The following LHFPL3 variants were observed in gnomAD, a reference collection of about 807,000 sequenced individuals.
LHFPL3 encodes LHFPL tetraspan subfamily member 3.
Under a neutral mutation model 19.3 loss-of-function variants are expected in LHFPL3, and 5 were observed. That is an observed-to-expected ratio of 0.26 (90% CI 0.14 to 0.54). The LOEUF is 0.54. Ranked by LOEUF, LHFPL3 falls within the 20% of genes least tolerant of loss-of-function variation. The pLI is 0.94. For missense variants in LHFPL3, 249 were observed against 307.4 expected, an observed-to-expected ratio of 0.81 and a Z score of 1.42; for synonymous variants, 133 against 126.2, an observed-to-expected ratio of 1.05 and a Z score of -0.36.
chr7:104,743,889 G>T (rs115078459), intron 2 of LHFPL3, among the ~76,000 whole-genome samples: 39 of 152,198 alleles, frequency 2.6e-4, no homozygotes, highest in African/African-American at 8.9e-4. Context: ...ACCCAGGCTG[G>T]AATACAGTGG....
intron 2 of LHFPL3, among the ~76,000 whole-genome samples, chr7:104,839,759 A>G (rs1240126697): frequency 6.6e-6 from 1 of 152,186 alleles, no homozygotes; most frequent in Non-Finnish European, 1.5e-5. Context: ...TTGTGAAGAT[A>G]TTAAGTCTCT....
chr7:104,530,984 C>T (rs1042499274), intron 1 of LHFPL3, among the ~76,000 whole-genome samples: 28 of 152,150 alleles, frequency 1.8e-4, no homozygotes, highest in Non-Finnish European at 3.8e-4. Context: ...TTACAGTTAT[C>T]TCATTTCTAA....
intron 1 of LHFPL3, among the ~76,000 whole-genome samples, chr7:104,582,361 T>C (rs1224356618): frequency 6.6e-6 from 1 of 152,014 alleles, no homozygotes; most frequent in Non-Finnish European, 1.5e-5. Context: ...CTAATAATTG[T>C]ATTTAGAATT....
intron 2 of LHFPL3, among the ~76,000 whole-genome samples, chr7:104,798,015 G>A (rs2116465673): frequency 6.7e-6 from 1 of 149,626 alleles, no homozygotes; most frequent in Non-Finnish European, 1.5e-5. Flanking sequence ...AGTCCTAGGT[G>A]GGGTGGCAGT....
intron 2 of LHFPL3, among the ~76,000 whole-genome samples, chr7:104,869,569 A>G (rs904076590): frequency 2.0e-5 from 3 of 152,052 alleles, no homozygotes; most frequent in Non-Finnish European, 4.4e-5. Context: ...TAGAATGGCA[A>G]TCATTAAAAA....
At chr7:104,657,160 C>T (rs1365567938) in intron 1 of LHFPL3, among the ~76,000 whole-genome samples, 1 of 152,210 alleles carries the variant, frequency 6.6e-6, no homozygotes, top group Non-Finnish European at 1.5e-5. Context: ...ATTACGAATT[C>T]CTCTCCAAGT....
At chr7:104,731,824 A>C (rs1039273021) in intron 1 of LHFPL3, among the ~76,000 whole-genome samples, 12 of 151,844 alleles carry the variant, frequency 7.9e-5, no homozygotes, top group South Asian at 4.2e-4. Context: ...GAATGCTTCC[A>C]GTTTTTGCCC....
intron 2 of LHFPL3, among the ~76,000 whole-genome samples, chr7:104,824,588 T>G (rs1223069959): frequency 1.3e-5 from 1 of 77,060 alleles, no homozygotes; most frequent in Non-Finnish European, 2.2e-5. Context: ...ATATAATATA[T>G]ATAATTATAT....
chr7:104,459,331 A>G (rs1311007382), intron 1 of LHFPL3, among the ~76,000 whole-genome samples: 1 of 152,144 alleles, frequency 6.6e-6, no homozygotes. Context: ...ATATTAATGT[A>G]CTCTTTGAAT....
intron 1 of LHFPL3, among the ~76,000 whole-genome samples, chr7:104,574,301 C>T (rs1196525690): frequency 6.6e-6 from 1 of 152,206 alleles, no homozygotes; most frequent in Non-Finnish European, 1.5e-5. Context: ...TGCCTGCATT[C>T]ACTTAAGTTC....
At chr7:104,755,537 GTCTC>G (rs1311576954) in intron 2 of LHFPL3, among the ~76,000 whole-genome samples, 5 of 151,714 alleles carry the variant, frequency 3.3e-5, no homozygotes, top group Middle Eastern at 6.8e-3. Context: ...CTGTCTGTCT[GTCTC>G]TCTCTCTGTC....
At chr7:104,414,327 G>T (rs1356764912) in intron 1 of LHFPL3, among the ~76,000 whole-genome samples, 1 of 151,978 alleles carries the variant, frequency 6.6e-6, no homozygotes, top group Non-Finnish European at 1.5e-5. Context: ...GGAAATTGCA[G>T]CTGATGAGAT....
chr7:104,577,692 CT>C (rs1486851279), intron 1 of LHFPL3, among the ~76,000 whole-genome samples: 1 of 152,044 alleles, frequency 6.6e-6, no homozygotes, highest in East Asian at 1.9e-4. Flanking sequence ...TAAACTATGC[CT>C]TCTATAAATG....
intron 1 of LHFPL3, among the ~76,000 whole-genome samples, chr7:104,404,830 T>C (rs1791384976): frequency 1.3e-5 from 2 of 152,200 alleles, no homozygotes; most frequent in Admixed American, 1.3e-4. Flanking sequence ...CCTGTGATAC[T>C]TTACAGAGAT....
intron 1 of LHFPL3, among the ~76,000 whole-genome samples, chr7:104,727,799 T>G (rs747426581): frequency 6.6e-6 from 1 of 151,918 alleles, no homozygotes. Flanking sequence ...TAAAAGTAAG[T>G]GGGGGCTGGA....
chr7:104,546,085 T>C (rs895892115), intron 1 of LHFPL3, among the ~76,000 whole-genome samples: 1 of 152,160 alleles, frequency 6.6e-6, no homozygotes, highest in African/African-American at 2.4e-5. Flanking sequence ...CAAACTAAAT[T>C]TTTGTCTCAG....
At chr7:104,613,417 G>C (rs1791246995) in intron 1 of LHFPL3, among the ~76,000 whole-genome samples, 1 of 152,086 alleles carries the variant, frequency 6.6e-6, no homozygotes, top group Non-Finnish European at 1.5e-5. Context: ...ATTGCAAATG[G>C]TCCTCAATGC....
intron 1 of LHFPL3, among the ~76,000 whole-genome samples, chr7:104,550,067 GAA>G (rs1794639420): frequency 6.6e-6 from 1 of 152,080 alleles, no homozygotes; most frequent in Non-Finnish European, 1.5e-5. Context: ...AAGAGACCTA[GAA>G]AAGAGTCCGT....
At chr7:104,379,940 G>T (rs1479828630) in intron 1 of LHFPL3, among the ~76,000 whole-genome samples, 1 of 152,114 alleles carries the variant, frequency 6.6e-6, no homozygotes, top group Non-Finnish European at 1.5e-5. Context: ...TATCTGACTA[G>T]AGCAGAACAT....
Sources: allele counts gnomAD v4.1 joint callset (sites outside exome capture counted in the v4.1 genomes callset), GRCh38; gene constraint gnomAD v4.1.1; transcripts MANE v1.5; gene names NCBI Gene and HGNC (gene_info 2026-07-23, HGNC 2026-07-21).